PARVA: variants seen among roughly 807,000 people sequenced by gnomAD.
The protein encoded by PARVA is alpha-parvin.
Under a neutral mutation model 52.6 loss-of-function variants are expected in PARVA, and 25 were observed. The observed-to-expected ratio is 0.48, with a 90% CI of 0.35 to 0.66. The LOEUF is 0.66. Among genes scored for constraint, PARVA ranks in the 30% least tolerant of loss-of-function variants. The pLI is 0.01. For missense variants in PARVA, 373 were observed against 450.9 expected (o/e 0.83, Z 1.56); for synonymous variants, 185 against 179.1 (o/e 1.03, Z -0.26).
intron 1 of PARVA, among the ~76,000 whole-genome samples, chr11:12,467,007 A>C (rs75891593): frequency 2.0e-5 from 3 of 152,246 alleles, no homozygotes; most frequent in Non-Finnish European, 2.9e-5. Context: ...TTTCCAGTCC[A>C]TGAACACTGA....
intron 1 of PARVA, among the ~76,000 whole-genome samples, chr11:12,458,747 G>A (rs572392740): frequency 8.2e-4 from 125 of 152,158 alleles, no homozygotes; most frequent in African/African-American, 2.8e-3. Flanking sequence ...TCAAGGCTTT[G>A]GCTTCTGAAG....
chr11:12,522,789 T>TA (rs59606718), intron 12 of PARVA, among the ~76,000 whole-genome samples: 869 of 147,474 alleles, frequency 5.9e-3, no homozygotes, highest in Admixed American at 8.2e-3. Flanking sequence ...GTAAAACTGT[T>TA]AAAAAAAAAA....
At chr11:12,440,377 G>T (rs1940448939) in intron 1 of PARVA, among the ~76,000 whole-genome samples, 1 of 152,188 alleles carries the variant, frequency 6.6e-6, no homozygotes, top group African/African-American at 2.4e-5. Context: ...GAGAGGTTTT[G>T]CTTCCTTGGG....
chr11:12,454,719 A>T (rs895834604), intron 1 of PARVA, among the ~76,000 whole-genome samples: 3 of 152,298 alleles, frequency 2.0e-5, no homozygotes, highest in South Asian at 4.1e-4. Context: ...CACACTTCCC[A>T]TCTGACCCTC....
intron 1 of PARVA, among the ~76,000 whole-genome samples, chr11:12,470,021 G>T (rs563331104): frequency 9.2e-5 from 14 of 152,350 alleles, no homozygotes; most frequent in African/African-American, 3.4e-4. Flanking sequence ...CTTGGGACAG[G>T]TGTGACTTTA....
rs763928281 is a variant in PARVA, at chr11:12,377,814, G to C, written c.136+31G>C. On this transcript the variant is annotated intron_variant, in intron 1 of 12. Coordinates refer to ENST00000334956, the MANE Select transcript of PARVA (RefSeq NM_018222.5). ...TGCGGCCAGGCCGGCCGGGCGGGCG[G>C]TAGGAGCCGGGGGTGCCGTAGGGGC... 9 of 1,465,330 alleles carry C rather than the reference G, an allele frequency of 6.1e-6. No homozygotes were observed. The South Asian group carries it at 9.3e-5, about 15-fold the overall frequency. 90.8% of individuals were successfully genotyped at this position (1,465,330 alleles called of 1,614,324 possible). A position where few individuals can be genotyped will look rare whatever the true frequency, so the allele number is the denominator to read the frequency against.
intron 11 of PARVA, 63 bp downstream of exon 11, chr11:12,517,774 C>T: frequency 8.7e-7 from 1 of 1,156,042 alleles, no homozygotes; most frequent in Non-Finnish European, 1.3e-6. Flanking sequence ...TGTGCCCACA[C>T]CCATGCTGGG....
chr11:12,487,323 G>A (rs1941172454), intron 4 of PARVA, among the ~76,000 whole-genome samples: 1 of 152,140 alleles, frequency 6.6e-6, no homozygotes, highest in Admixed American at 6.6e-5. Context: ...GAAGAAACAG[G>A]AGATCTCAGT....
chr11:12,480,561 C>T (rs1458761326), intron 4 of PARVA: 1 of 152,268 alleles, frequency 6.6e-6, no homozygotes, highest in East Asian at 1.9e-4. Context: ...GTGGAGGAAT[C>T]TTGCCTCCAG....
chr11:12,428,030 T>C (rs1394830792), intron 1 of PARVA, among the ~76,000 whole-genome samples: 1 of 152,178 alleles, frequency 6.6e-6, no homozygotes, highest in African/African-American at 2.4e-5. Flanking sequence ...AGTCTCCCCA[T>C]TTGTGGAGAA....
At position 12,473,970 on chromosome 11, in the gene PARVA, A is replaced by C; in HGVS notation, c.284A>C (p.Gln95Pro). 1 of 1,578,308 alleles carries C rather than the reference A, an allele frequency of 6.3e-7. No homozygotes were observed. The highest frequency in any genetic ancestry group is 8.6e-7 in the Non-Finnish European group (1 of 1,162,024). The change falls in exon 3 of 13, where the codon CAA (glutamine) becomes CCA (proline). Residue 95 changes from glutamine to proline, a missense_variant. Physicochemically the swap from Gln to Pro is moderately conservative, Grantham distance 76 (BLOSUM62 -1). Coordinates refer to ENST00000334956, the MANE Select transcript of PARVA (RefSeq NM_018222.5). ...AACTCACGCAGTGACCCCAAGCTTC[A>C]AGAACTGATGAAGGTAAGAAGAAAT... ...DPNSRSDPKL[Q>P]ELMKVLIDWI...
chr11:12,418,544 C>CT (rs1940102486), intron 1 of PARVA, among the ~76,000 whole-genome samples: 1 of 152,202 alleles, frequency 6.6e-6, no homozygotes, highest in South Asian at 2.1e-4. Context: ...CCCAGCTTCT[C>CT]AGCGTGCCTG....
intron 1 of PARVA, among the ~76,000 whole-genome samples, chr11:12,450,781 T>A (rs757300930): frequency 3.9e-5 from 6 of 152,154 alleles, no homozygotes. Flanking sequence ...TGGAGTCTGA[T>A]GTTTGAGGGC....
chr11:12,509,655 C>G (rs753992443), intron 7 of PARVA, among the ~76,000 whole-genome samples: 5 of 152,166 alleles, frequency 3.3e-5, no homozygotes, highest in Non-Finnish European at 7.4e-5. Context: ...CATTCCAGGC[C>G]GAGACTAGGG....
intron 12 of PARVA, among the ~76,000 whole-genome samples, chr11:12,520,625 G>C (rs1370714360): frequency 6.6e-6 from 1 of 152,166 alleles, no homozygotes; most frequent in Non-Finnish European, 1.5e-5. Flanking sequence ...TGTAAGCCAA[G>C]GGTTAGCATC....
chr11:12,392,724 T>G (rs934312101), intron 1 of PARVA, among the ~76,000 whole-genome samples: 1 of 152,246 alleles, frequency 6.6e-6, no homozygotes, highest in East Asian at 1.9e-4. Context: ...TTCTTTGTCT[T>G]AGGTATATAC....
At chr11:12,484,543 G>A (rs1941133073) in intron 4 of PARVA, among the ~76,000 whole-genome samples, 1 of 109,384 alleles carries the variant, frequency 9.1e-6, no homozygotes, top group Non-Finnish European at 2.0e-5. Context: ...GTGTGTGTGT[G>A]TGTGTGGTTT....
intron 9 of PARVA, chr11:12,513,567 G>T: frequency 2.9e-6 from 2 of 692,350 alleles, no homozygotes; most frequent in Non-Finnish European, 5.3e-6. Context: ...CCATCAGCAT[G>T]AACAGCCTGT....
At chr11:12,487,806 A>ATT (rs1941180063) in intron 4 of PARVA, among the ~76,000 whole-genome samples, 1 of 152,316 alleles carries the variant, frequency 6.6e-6, no homozygotes, top group African/African-American at 2.4e-5. Flanking sequence ...GTAGAGAACG[A>ATT]CTGTGTGTGT....
Sources: allele counts gnomAD v4.1 joint callset (sites outside exome capture counted in the v4.1 genomes callset), GRCh38; gene constraint gnomAD v4.1.1; transcripts MANE v1.5; gene names NCBI Gene and HGNC (gene_info 2026-07-23, HGNC 2026-07-21).